Variants in RGS6 observed in about 807,000 individuals in gnomAD.
The protein encoded by RGS6 is regulator of G-protein signaling 6.
A neutral mutation model predicts 78.5 loss-of-function variants in RGS6; 30 were observed. That is an observed-to-expected ratio of 0.38 (90% confidence interval 0.29 to 0.52). RGS6 has a LOEUF of 0.52. Ranked by LOEUF, RGS6 falls within the 20% of genes least tolerant of loss-of-function variation. The probability of loss-of-function intolerance (pLI) is 0.85; values close to 1 mark genes in which losing one functional copy is unlikely to be tolerated. For missense variants in RGS6, 495 were observed against 609.7 expected, an observed-to-expected ratio of 0.81 and a Z score of 1.98; for synonymous variants, 206 against 206.0, an observed-to-expected ratio of 1.00 and a Z score of 0.00.
At position 72,510,347 on chromosome 14, in the gene RGS6, A is replaced by ATC. The variant is rs5809578; in HGVS notation, c.1091+81_1091+82dup. 0.042 allele frequency: 49,100 copies of ATC among 1,177,074 alleles called. 593 individuals are homozygous for ATC. Among genetic ancestry groups the ATC allele is most frequent in the South Asian group, 0.067 (4,050 of 60,238 alleles). 72.9% of individuals were successfully genotyped at this position (1,177,074 alleles called of 1,614,324 possible). A position where few individuals can be genotyped will look rare whatever the true frequency, so the allele number is the denominator to read the frequency against. On this transcript the variant is annotated intron_variant, in intron 14 of 17. Coordinates refer to ENST00000553525, the MANE Select transcript of RGS6 (RefSeq NM_001204424.2). ...AGAAATTTGCATAATCGGTCTCTCC[A>ATC]TCTCTCTCTCTCTCAATGAAACGTT... is the stretch of plus-strand genomic sequence containing the variant.
At chr14:72,397,863 T>G (rs8021710) in intron 3 of RGS6, among the ~76,000 whole-genome samples, 39,466 of 152,032 alleles carry the variant, frequency 0.26, 5,800 homozygotes, top group South Asian at 0.45. Flanking sequence ...TTATTGATTT[T>G]CGTATGTTGA....
At chr14:72,104,263 C>T (rs1261981796) in intron 2 of RGS6, among the ~76,000 whole-genome samples, 2 of 152,162 alleles carry the variant, frequency 1.3e-5, no homozygotes, top group East Asian at 1.9e-4. Context: ...TTTTCCTTTC[C>T]TCTCTGTCAA....
At chr14:71,982,735 ATCT>A (rs1316945251) in intron 2 of RGS6, among the ~76,000 whole-genome samples, 3 of 152,228 alleles carry the variant, frequency 2.0e-5, no homozygotes, top group Non-Finnish European at 2.9e-5. Flanking sequence ...TGCTGGGCTC[ATCT>A]TCTTAGTTTT....
intron 2 of RGS6, among the ~76,000 whole-genome samples, chr14:72,151,597 G>A (rs12888352): frequency 0.29 from 44,002 of 152,010 alleles, 6,550 homozygotes; most frequent in South Asian, 0.35. Context: ...GTGCTTGGGC[G>A]CCATTTTCCC....
chr14:72,283,833 G>A (rs2062004244), intron 2 of RGS6, among the ~76,000 whole-genome samples: 1 of 152,180 alleles, frequency 6.6e-6, no homozygotes, highest in African/African-American at 2.4e-5. Context: ...AAGAAGACAG[G>A]AAAATGTGGG....
intron 2 of RGS6, among the ~76,000 whole-genome samples, chr14:72,025,157 G>C (rs949073837): frequency 6.6e-6 from 1 of 152,138 alleles, no homozygotes; most frequent in African/African-American, 2.4e-5. Flanking sequence ...CTATCATTTT[G>C]CTAGGACTGG....
chr14:71,952,698 G>C (rs974617559), intron 1 of RGS6, among the ~76,000 whole-genome samples: 1 of 151,980 alleles, frequency 6.6e-6, no homozygotes, highest in Non-Finnish European at 1.5e-5. Context: ...TATCTTAAGA[G>C]GAAAAGTCTA....
chr14:71,964,910 C>T lies in RGS6; in HGVS notation c.84+35C>T, dbSNP rs536182815. 3.5e-5 allele frequency: 54 copies of T among 1,552,022 alleles called. No individual in the cohort carries two copies. In the South Asian group the frequency reaches 4.6e-4, roughly 13 times the overall value. Reference sequence around the variant, plus strand: ...CTGGTCAAGTGCCGTGCGTGCTGTCCGTGTGGACTGTTGTGTTCTGTGTAG... The same window carrying T: ...CTGGTCAAGTGCCGTGCGTGCTGTCTGTGTGGACTGTTGTGTTCTGTGTAG... On this transcript the variant is annotated intron_variant, in intron 2 of 17. Coordinates refer to ENST00000553525, the MANE Select transcript of RGS6 (RefSeq NM_001204424.2).
intron 2 of RGS6, among the ~76,000 whole-genome samples, chr14:72,137,580 G>T (rs2153604762): frequency 6.6e-6 from 1 of 152,354 alleles, no homozygotes; most frequent in East Asian, 1.9e-4. Context: ...TAATTTGCTA[G>T]AGTGGCTCAC....
At chr14:72,478,186 A>T (rs758818488) in intron 11 of RGS6, 82 bp from the exon 12 acceptor site, 6 of 959,138 alleles carry the variant, frequency 6.3e-6, no homozygotes, top group African/African-American at 1.6e-5. Flanking sequence ...TCTTGGTGGA[A>T]ATGCAGGATT....
intron 2 of RGS6, among the ~76,000 whole-genome samples, chr14:71,977,400 A>T (rs2094192487): frequency 1.1e-5 from 1 of 88,110 alleles, no homozygotes; most frequent in Non-Finnish European, 2.3e-5. Flanking sequence ...TTTTAGGTCT[A>T]ACGTTTAAGT....
intron 3 of RGS6, among the ~76,000 whole-genome samples, chr14:72,399,415 C>T (rs1218410673): frequency 6.6e-6 from 1 of 151,956 alleles, no homozygotes; most frequent in Admixed American, 6.6e-5. Context: ...TTATTTTGAG[C>T]CTATGTGTGT....
intron 13 of RGS6, among the ~76,000 whole-genome samples, chr14:72,504,285 G>A (rs935267284): frequency 1.3e-5 from 2 of 152,192 alleles, no homozygotes; most frequent in Non-Finnish European, 1.5e-5. Flanking sequence ...AGATCTTCAG[G>A]TTCTGGTTTC....
At position 72,562,451 on chromosome 14, in the gene RGS6, T is replaced by C. The variant is rs1265384427; in HGVS notation, c.1457T>C (p.Leu486Pro). 2.5e-6 allele frequency: 4 copies of C among 1,612,766 alleles called. No homozygotes were observed. In the African/African-American group the frequency reaches 5.3e-5, roughly 22 times the overall value. ...KSLAGKRLTG[L>P]MQSS ...CTGGCGGGCAAGCGCCTCACGGGCC[T>C]GATGCAGTCCTCCTGACCGTTCCTA... The change falls in exon 18 of 18, where the codon CTG becomes CCG. Residue 486 changes from leucine to proline, a missense_variant. Coordinates refer to ENST00000553525, the MANE Select transcript of RGS6 (RefSeq NM_001204424.2).
intron 2 of RGS6, among the ~76,000 whole-genome samples, chr14:72,161,806 T>C (rs982055200): frequency 3.9e-5 from 6 of 152,256 alleles, no homozygotes; most frequent in Admixed American, 1.3e-4. Flanking sequence ...ACTAGAGTGC[T>C]GGATAACAGA....
At chr14:72,052,925 TTTTCTTTCTTTC>T (rs759527358) in intron 2 of RGS6, among the ~76,000 whole-genome samples, 61 of 120,424 alleles carry the variant, frequency 5.1e-4, no homozygotes, top group Admixed American at 9.2e-4. Context: ...TTCATTGTAT[TTTTCTTTCTTTC>T]TTTCTTTCTT....
chr14:72,471,282 C>A (rs1200559438), intron 8 of RGS6, among the ~76,000 whole-genome samples: 1 of 152,140 alleles, frequency 6.6e-6, no homozygotes, highest in Non-Finnish European at 1.5e-5. Flanking sequence ...GGAATGGGTA[C>A]TCTATGTTCC....
In RGS6 at chr14:72,352,201, C is replaced by T. The variant is rs112696041; in HGVS notation, c.184+7C>T. On this transcript the variant is annotated splice_region_variant and intron_variant, in intron 3 of 17. Coordinates refer to ENST00000553525, the MANE Select transcript of RGS6 (RefSeq NM_001204424.2). ...ATCCCCAGTGTCGTCACAGGTAACA[C>T]CCTCCTTGCAAGGTGTTGGTAACAG... 824 of 1,607,620 alleles carry T rather than the reference C, an allele frequency of 5.1e-4. 1 individual carries two copies. In the African/African-American group the frequency reaches 9.7e-3, roughly 19 times the overall value.
At chr14:72,408,988 C>G (rs961426745) in intron 3 of RGS6, among the ~76,000 whole-genome samples, 4 of 152,134 alleles carry the variant, frequency 2.6e-5, no homozygotes, top group African/African-American at 7.2e-5. Flanking sequence ...GAAAATGACT[C>G]TTATTCTGAT....
Sources: allele counts gnomAD v4.1 joint callset (sites outside exome capture counted in the v4.1 genomes callset), GRCh38; gene constraint gnomAD v4.1.1; transcripts MANE v1.5; gene names NCBI Gene and HGNC (gene_info 2026-07-23, HGNC 2026-07-21).